Variants in ADGRL3 observed in about 807,000 individuals in gnomAD.
The protein encoded by ADGRL3 is adhesion G protein-coupled receptor L3, also known as calcium-independent alpha-latrotoxin receptor 3.
In ADGRL3, 62 loss-of-function variants were observed where a neutral mutation model predicts 153.5. The ratio of observed to expected loss-of-function variants is 0.40; its 90% CI spans 0.33 to 0.50. ADGRL3 has a LOEUF of 0.50. ADGRL3 is among the 20% of genes least tolerant of loss of function. ADGRL3 has a pLI of 0.47. For missense variants in ADGRL3, 1,641 were observed against 1,859.4 expected, an observed-to-expected ratio of 0.88 and a Z score of 2.16; for synonymous variants, 710 against 672.5, an observed-to-expected ratio of 1.06 and a Z score of -0.86.
intron 25 of ADGRL3, among the ~76,000 whole-genome samples, chr4:62,059,990 A>G (rs962541191): frequency 6.6e-6 from 1 of 152,124 alleles, no homozygotes; most frequent in Non-Finnish European, 1.5e-5. Context: ...TTATTTTTAA[A>G]ATCTTTGATA....
chr4:61,708,789 T>G (rs2095903696), intron 6 of ADGRL3, among the ~76,000 whole-genome samples: 1 of 152,072 alleles, frequency 6.6e-6, no homozygotes, highest in South Asian at 2.1e-4. Context: ...TGCCAGTTCT[T>G]AAACTTTATT....
At chr4:61,483,461 G>A (rs1361861186) in intron 2 of ADGRL3, among the ~76,000 whole-genome samples, 1 of 152,144 alleles carries the variant, frequency 6.6e-6, no homozygotes, top group African/African-American at 2.4e-5. Context: ...TTAAAGGCCT[G>A]GCGCAGTGGC....
chr4:61,762,604 C>G, intron 8 of ADGRL3, among the ~76,000 whole-genome samples: 1 of 152,136 alleles, frequency 6.6e-6, no homozygotes, highest in Non-Finnish European at 1.5e-5. Context: ...AAGGCAAATA[C>G]CGTAAGTTAA....
At chr4:61,375,824 G>A (rs2096596260) in intron 1 of ADGRL3, among the ~76,000 whole-genome samples, 1 of 152,020 alleles carries the variant, frequency 6.6e-6, no homozygotes, top group Non-Finnish European at 1.5e-5. Context: ...ATTTGTAGAA[G>A]CAATAGCAAT....
rs771732117 is a variant in ADGRL3, at chr4:61,280,107, C to CTTTTTTTTTTTTT, written c.-240+78347_-240+78348insTTTTTTTTTTTTT. ...AAAGTATTTTCTTTTCTTTTCTTTT[C>CTTTTTTTTTTTTT]TTTTTCTTTTTTTTTTTTTTGAGAC... On this transcript the variant is annotated intron_variant, in intron 1 of 26. Transcript: ENST00000683033. Among the ~76,000 whole-genome samples the CTTTTTTTTTTTTT allele has an allele frequency of 2.4e-4, 23 of 94,652 alleles. 1 individual carries two copies. The highest frequency in any genetic ancestry group is 4.0e-4 in the South Asian group (1 of 2,484). The allele number at this position is 94,652 out of a possible 152,430, so 62.1% of individuals were successfully genotyped here.
chr4:61,715,967 A>T (rs2096104351), intron 6 of ADGRL3, among the ~76,000 whole-genome samples: 1 of 151,766 alleles, frequency 6.6e-6, no homozygotes, highest in Admixed American at 6.6e-5. Flanking sequence ...AAAAAAAAAA[A>T]AAATCCTTTC....
chr4:61,447,897 A>AT (rs2097605372), intron 2 of ADGRL3, among the ~76,000 whole-genome samples: 1 of 152,206 alleles, frequency 6.6e-6, no homozygotes, highest in Non-Finnish European at 1.5e-5. Flanking sequence ...TTCTGTTCAT[A>AT]TAAAAACAAA....
rs947255139 is a variant in ADGRL3, at chr4:61,223,505, A to G, written c.-240+21740A>G. The stretch of plus-strand genomic sequence containing the variant: ...TCTGAAGCACAGTGGTTTTGAAAGT[A>G]GGTGTAGAACCAGATTGGTGAGTGG... On this transcript the variant is annotated intron_variant, in intron 1 of 26. Coordinates refer to ENST00000683033, the MANE Select transcript of ADGRL3 (RefSeq NM_001387552.1). Among the ~76,000 whole-genome samples, 5 of 152,254 alleles carry G rather than the reference A, an allele frequency of 3.3e-5. No homozygotes were observed. The East Asian group carries it at 7.7e-4, about 23-fold the overall frequency.
At position 61,812,104 on chromosome 4, in the gene ADGRL3, A is replaced by G. The variant is rs548474943; in HGVS notation, c.1400-1705A>G. On this transcript the variant is annotated intron_variant, in intron 8 of 26. Transcript: ENST00000683033. ...TGTCTTTGCAACCAATATGTTACATAGGACAAGAGGTGATTTTATAATTAA... is the reference window on the plus strand; with the variant it reads ...TGTCTTTGCAACCAATATGTTACATGGGACAAGAGGTGATTTTATAATTAA... 1.2e-4 allele frequency among the ~76,000 whole-genome samples: 19 copies of G among 152,334 alleles called. No homozygotes were observed. In the South Asian group the frequency reaches 3.9e-3, roughly 32 times the overall value.
At chr4:61,827,269 T>C (rs971740459) in intron 9 of ADGRL3, among the ~76,000 whole-genome samples, 10 of 152,186 alleles carry the variant, frequency 6.6e-5, no homozygotes, top group African/African-American at 2.2e-4. Flanking sequence ...ATTGATTCTG[T>C]TAAATCACGG....
chr4:61,827,537 T>TTTGCATAGAAATATTGA (rs2097821823), intron 9 of ADGRL3, among the ~76,000 whole-genome samples: 1 of 152,182 alleles, frequency 6.6e-6, no homozygotes, highest in African/African-American at 2.4e-5. Flanking sequence ...ATGCAATTAG[T>TTTGCATAGAAATATTGA]TTGCATAGAA....
chr4:61,472,814 A>G (rs1019695646), intron 2 of ADGRL3, among the ~76,000 whole-genome samples: 1 of 152,042 alleles, frequency 6.6e-6, no homozygotes, highest in African/African-American at 2.4e-5. Flanking sequence ...TCAAGATGTG[A>G]CCCTGAGAGA....
intron 6 of ADGRL3, chr4:61,677,413 A>T: frequency 2.4e-6 from 1 of 416,444 alleles, no homozygotes; most frequent in Non-Finnish European, 4.6e-6. Flanking sequence ...GAAAAAATAA[A>T]GATTAAAAGA....
At chr4:61,564,804 C>A (rs1295142674) in intron 4 of ADGRL3, among the ~76,000 whole-genome samples, 3 of 152,138 alleles carry the variant, frequency 2.0e-5, no homozygotes, top group Non-Finnish European at 4.4e-5. Context: ...TATTAATTGG[C>A]CTAATTTCAG....
At chr4:61,716,694 G>T (rs763976146) in intron 6 of ADGRL3, among the ~76,000 whole-genome samples, 1 of 152,038 alleles carries the variant, frequency 6.6e-6, no homozygotes, top group Non-Finnish European at 1.5e-5. Flanking sequence ...ATAATATATA[G>T]TTCACTAAAC....
chr4:61,857,013 T>C (rs1028079533), intron 9 of ADGRL3, among the ~76,000 whole-genome samples: 99 of 139,790 alleles, frequency 7.1e-4, no homozygotes, highest in African/African-American at 2.6e-3. Context: ...TCTTTCTTTC[T>C]TTCCTTCCTC....
At chr4:61,876,039 A>C (rs543730608) in intron 9 of ADGRL3, among the ~76,000 whole-genome samples, 1 of 152,240 alleles carries the variant, frequency 6.6e-6, no homozygotes, top group South Asian at 2.1e-4. Context: ...AAAATAGAAA[A>C]GAAAAAAAGA....
chr4:61,907,947 A>C (rs2098703928), intron 11 of ADGRL3, among the ~76,000 whole-genome samples: 1 of 152,116 alleles, frequency 6.6e-6, no homozygotes, highest in Admixed American at 6.5e-5. Flanking sequence ...CTCACTCAAA[A>C]TGGAGTTACT....
intron 1 of ADGRL3, among the ~76,000 whole-genome samples, chr4:61,382,830 T>C (rs182232146): frequency 6.6e-6 from 1 of 151,888 alleles, no homozygotes; most frequent in East Asian, 1.9e-4. Context: ...AATAGCAAAA[T>C]TTATATTAAA....
Sources: gnomAD v4.1 joint callset for allele counts (sites outside exome capture counted in the v4.1 genomes callset) on GRCh38, gnomAD v4.1.1 for gene constraint, MANE v1.5 for transcripts, NCBI Gene and HGNC (gene_info 2026-07-23, HGNC 2026-07-21) for gene names.